Variants in PLRG1 observed in about 807,000 individuals in gnomAD.
The protein encoded by PLRG1 is pleiotropic regulator 1 (PRL1 homolog, Arabidopsis).
Under a neutral mutation model 74.9 loss-of-function variants are expected in PLRG1, and 28 were observed. The ratio of observed to expected loss-of-function variants is 0.37; its 90% CI spans 0.28 to 0.51. The LOEUF (loss-of-function observed/expected upper bound fraction) is 0.51. Ranked by LOEUF, PLRG1 falls within the 20% of genes least tolerant of loss-of-function variation. PLRG1 has a pLI of 0.91. For synonymous variants in PLRG1, 197 were observed against 212.4 expected (o/e 0.93, Z 0.63); for missense variants, 445 against 631.9 (o/e 0.70, Z 3.17).
At position 154,544,452 on chromosome 4, in the gene PLRG1, A is replaced by G. The variant is rs1276404046; in HGVS notation, c.587T>C (p.Leu196Pro). The G allele has an allele frequency of 6.3e-7, 1 of 1,580,490 alleles. No homozygotes were observed. Reference protein sequence around the residue: ...PKPQWHPPWKLYRVISGHLGW... With the variant: ...PKPQWHPPWKPYRVISGHLGW... The stretch of plus-strand genomic sequence containing the variant: ...AAATGCAGAGTCACTCACCCTGTAG[A>G]GTTTCCACGGTGGGTGCCACTGGGG... Residue 196 changes from leucine to proline, a missense_variant, in exon 7 of 15, where the codon CTC (leucine) becomes CCC (proline). Coordinates refer to ENST00000499023, the MANE Select transcript of PLRG1 (RefSeq NM_002669.4).
At chr4:154,537,085 G>A (rs1190152619) in intron 14 of PLRG1, among the ~76,000 whole-genome samples, 1 of 152,012 alleles carries the variant, frequency 6.6e-6, no homozygotes, top group African/African-American at 2.4e-5. Context: ...CTATAACAAA[G>A]GAAGTTGGGA....
rs1287323669 is a variant in PLRG1, at chr4:154,535,041, C to T, written c.*1644G>A. The T allele has an allele frequency of 6.6e-6, 1 of 152,072 alleles. No individual in the cohort carries two copies. Among genetic ancestry groups the T allele is most frequent in the Non-Finnish European group, 1.5e-5 (1 of 68,006 alleles). The allele number at this position is 152,072 out of a possible 1,614,324, so 9.4% of individuals were successfully genotyped here. A position where few individuals can be genotyped will look rare whatever the true frequency, so the allele number is the denominator to read the frequency against. On this transcript the variant is annotated 3_prime_UTR_variant, in exon 15 of 15. Coordinates refer to ENST00000499023, the MANE Select transcript of PLRG1 (RefSeq NM_002669.4). ...TTTCTTTATTTAAGTTTACGAAATA[C>T]ATGCTTATAGAAAATTAAAACATTA...
At chr4:154,546,262 T>C in intron 4 of PLRG1, 49 bp from the exon 5 acceptor site, 1 of 906,194 alleles carries the variant, frequency 1.1e-6, no homozygotes, top group Non-Finnish European at 1.8e-6. Context: ...TATTATTCAT[T>C]TACATGCACT....
At position 154,535,659 on chromosome 4, in the gene PLRG1, C is replaced by G. The variant is rs1377546714; in HGVS notation, c.*1026G>C. 6.6e-6 allele frequency: 1 copy of G among 151,872 alleles called. No homozygotes were observed. Among genetic ancestry groups the G allele is most frequent in the Non-Finnish European group, 1.5e-5 (1 of 67,938 alleles). 9.4% of individuals were successfully genotyped at this position (151,872 alleles called of 1,614,324 possible). A position where few individuals can be genotyped will look rare whatever the true frequency, so the allele number is the denominator to read the frequency against. ...ATCTTGATTAATGGGGAATCAGGAT[C>G]CCAGGGCAGGATTTATAAAACTTGT... is the stretch of plus-strand genomic sequence containing the variant. On this transcript the variant is annotated 3_prime_UTR_variant, in exon 15 of 15. Coordinates refer to ENST00000499023, the MANE Select transcript of PLRG1 (RefSeq NM_002669.4).
chr4:154,544,958 T>C (rs928732992), intron 6 of PLRG1, among the ~76,000 whole-genome samples: 19 of 152,242 alleles, frequency 1.2e-4, no homozygotes, highest in African/African-American at 3.6e-4. Context: ...CTGTCTTTCA[T>C]TGTCATATTT....
chr4:154,550,280 G>A lies in PLRG1; in HGVS notation c.9+20C>T, dbSNP rs1459581219. Reference sequence around the variant, plus strand: ...CAGTCCAGAGACAAACGACTCTTGAGAGCCCCAGTGTCACTTTACCTCGAC... The same window carrying A: ...CAGTCCAGAGACAAACGACTCTTGAAAGCCCCAGTGTCACTTTACCTCGAC... On this transcript the variant is annotated intron_variant, in intron 1 of 14. Coordinates refer to ENST00000499023, the MANE Select transcript of PLRG1 (RefSeq NM_002669.4). 5 of 1,611,042 alleles carry A rather than the reference G, an allele frequency of 3.1e-6. No individual in the cohort carries two copies. Among genetic ancestry groups the A allele is most frequent in the Non-Finnish European group, 4.2e-6 (5 of 1,177,258 alleles).
intron 1 of PLRG1, 79 bp downstream of exon 1, chr4:154,550,221 A>T: frequency 8.2e-7 from 1 of 1,224,446 alleles, no homozygotes. Context: ...GACTCCAAGT[A>T]CTCTCAATCC....
rs1019418111 is a variant in PLRG1, at chr4:154,537,959, C to A, written c.1291+10G>T. ...GACTAAACATATTTATTATAAAAAT[C>A]TTATTTTACCTCCAGATACAAGCAC... On this transcript the variant is annotated intron_variant, in intron 13 of 14. Transcript: ENST00000499023. 4 of 1,398,822 alleles carry A rather than the reference C, an allele frequency of 2.9e-6. No homozygotes were observed. The allele number at this position is 1,398,822 out of a possible 1,614,324, so 86.7% of individuals were successfully genotyped here.
intron 1 of PLRG1, 114 bp downstream of exon 1, chr4:154,550,186 C>A: frequency 2.0e-6 from 2 of 999,080 alleles, no homozygotes; most frequent in Non-Finnish European, 3.2e-6. Flanking sequence ...CCAAATAGCT[C>A]CCCTCGTAGC....
chr4:154,547,750 T>C lies in PLRG1; in HGVS notation c.220A>G (p.Thr74Ala). 5 of 1,613,254 alleles carry C rather than the reference T, an allele frequency of 3.1e-6. No homozygotes were observed. Among genetic ancestry groups the C allele is most frequent in the Non-Finnish European group, 4.2e-6 (5 of 1,179,254 alleles). Reference sequence around the variant, plus strand: ...TACTGTTTATGAACATATGAATCCGTTGCATTCTGAGGACCCTTCTCTTTA... The same window carrying C: ...TACTGTTTATGAACATATGAATCCGCTGCATTCTGAGGACCCTTCTCTTTA... Reference protein sequence around the residue: ...NLKEKGPQNATDSYVHKQYPA... With the variant: ...NLKEKGPQNAADSYVHKQYPA... The change falls in exon 3 of 15, where the codon ACG becomes GCG. Residue 74 changes from threonine (T) to alanine (A), a missense_variant. Physicochemically the swap from Thr to Ala is moderately conservative, Grantham distance 58. Transcript: ENST00000499023.
intron 8 of PLRG1, 73 bp from the exon 9 acceptor site, chr4:154,541,007 A>C: frequency 8.9e-7 from 1 of 1,126,246 alleles, no homozygotes; most frequent in Non-Finnish European, 1.2e-6. Flanking sequence ...CCTGATTATT[A>C]AAACTGAGCT....
intron 12 of PLRG1, among the ~76,000 whole-genome samples, 191 bp from the exon 13 acceptor site, chr4:154,538,299 A>C (rs1187752692): frequency 1.3e-5 from 2 of 152,116 alleles, no homozygotes; most frequent in African/African-American, 4.8e-5. Context: ...TCACATTTTT[A>C]ACAGTATATT....
chr4:154,545,990 C>A (rs1291386517), intron 5 of PLRG1, 67 bp from the exon 6 acceptor site: 7 of 1,151,208 alleles, frequency 6.1e-6, no homozygotes, highest in Non-Finnish European at 8.8e-6. Flanking sequence ...GCAAAACTAA[C>A]CCTTTATTTT....
intron 6 of PLRG1, 83 bp from the exon 7 acceptor site, chr4:154,544,629 G>A: frequency 4.1e-6 from 3 of 739,688 alleles, no homozygotes; most frequent in Middle Eastern, 5.2e-4. Context: ...GAAATGGAAA[G>A]AGGGAACTTA....
rs1729443909 is a variant in PLRG1 at position 154,536,106 on chromosome 4, C to G, written c.*579G>C. The G allele has an allele frequency of 6.5e-6, 1 of 153,130 alleles. No homozygotes were observed. Among genetic ancestry groups the G allele is most frequent in the Non-Finnish European group, 1.5e-5 (1 of 68,848 alleles). 9.5% of individuals were successfully genotyped at this position (153,130 alleles called of 1,614,324 possible). On this transcript the variant is annotated 3_prime_UTR_variant, in exon 15 of 15. Transcript: ENST00000499023. ...TCCCTTCTGTTCCCCCAGCATTTCA[C>G]CTGCACCTCTGTTACAGAATTTCTA...
intron 2 of PLRG1, 103 bp from the exon 3 acceptor site, chr4:154,547,956 T>C: frequency 1.3e-6 from 1 of 798,952 alleles, no homozygotes; most frequent in Non-Finnish European, 1.9e-6. Flanking sequence ...TAGTATGATT[T>C]TAAGTAGTAT....
intron 10 of PLRG1, chr4:154,540,321 G>C: frequency 1.7e-6 from 1 of 576,398 alleles, no homozygotes; most frequent in South Asian, 2.3e-5. Flanking sequence ...ACTACTGAAT[G>C]AAAGAACTAA....
chr4:154,546,996 T>C lies in PLRG1; in HGVS notation c.313+15A>G. 3 of 1,557,662 alleles carry C rather than the reference T, an allele frequency of 1.9e-6. No homozygotes were observed. Among genetic ancestry groups the C allele is most frequent in the Non-Finnish European group, 2.7e-6 (3 of 1,128,672 alleles). ...ACATTTTTAAGACATTTTCAATATA[T>C]AACAGCTCACTAACCAGGTCCTGGT... On this transcript the variant is annotated intron_variant, in intron 4 of 14. Coordinates refer to ENST00000499023, the MANE Select transcript of PLRG1 (RefSeq NM_002669.4).
intron 6 of PLRG1, among the ~76,000 whole-genome samples, chr4:154,544,876 A>T (rs1729620730): frequency 6.6e-6 from 1 of 152,212 alleles, no homozygotes; most frequent in Non-Finnish European, 1.5e-5. Flanking sequence ...GGGTTACTAC[A>T]AAGATTTAAT....
Sources: gnomAD v4.1 joint callset for allele counts (sites outside exome capture counted in the v4.1 genomes callset) on GRCh38, gnomAD v4.1.1 for gene constraint, MANE v1.5 for transcripts, NCBI Gene and HGNC (gene_info 2026-07-23, HGNC 2026-07-21) for gene names.